The following ZNF804B variants were observed in gnomAD, a reference collection of about 807,000 sequenced individuals.
ZNF804B encodes zinc finger protein 804B, also known as zinc finger 804B.
ZNF804B carries 80 observed loss-of-function variants against 101.4 expected under a neutral mutation model. That is an observed-to-expected ratio of 0.79 (90% CI 0.66 to 0.95). The LOEUF (loss-of-function observed/expected upper bound fraction) is 0.95, where lower values mean the gene tolerates loss of function less well. Ranked by LOEUF, ZNF804B falls within the 40% of genes least tolerant of loss-of-function variation. The pLI is 0.00. For missense variants in ZNF804B, 1,673 were observed against 1,561.9 expected (o/e 1.07, Z -1.20); for synonymous variants, 622 against 558.8 (o/e 1.11, Z -1.59).
intron 1 of ZNF804B, among the ~76,000 whole-genome samples, chr7:88,830,420 T>C (rs1791114688): frequency 6.6e-6 from 1 of 152,048 alleles, no homozygotes; most frequent in African/African-American, 2.4e-5. Flanking sequence ...TAAAGATAAT[T>C]TTTCATTCTA....
intron 1 of ZNF804B, among the ~76,000 whole-genome samples, chr7:89,175,663 A>G (rs1370012580): frequency 6.6e-6 from 1 of 151,254 alleles, no homozygotes; most frequent in East Asian, 2.0e-4. Context: ...TTTTGGTAGT[A>G]TGCACATTTT....
chr7:89,247,535 C>A (rs958835249), intron 2 of ZNF804B, among the ~76,000 whole-genome samples: 1 of 151,326 alleles, frequency 6.6e-6, no homozygotes, highest in African/African-American at 2.4e-5. Flanking sequence ...AATCACATAA[C>A]CAGGGATGGG....
intron 3 of ZNF804B, among the ~76,000 whole-genome samples, chr7:89,333,030 T>G (rs1410502507): frequency 6.6e-6 from 1 of 151,968 alleles, no homozygotes; most frequent in East Asian, 1.9e-4. Context: ...TGGAAAACTA[T>G]TAGTGAAATC....
chr7:89,229,946 G>A (rs1201461691), intron 2 of ZNF804B, among the ~76,000 whole-genome samples: 1 of 151,760 alleles, frequency 6.6e-6, no homozygotes, highest in Non-Finnish European at 1.5e-5. Flanking sequence ...AAAAACACAC[G>A]AATTAAATAA....
At chr7:88,969,236 G>A (rs1051993741) in intron 1 of ZNF804B, among the ~76,000 whole-genome samples, 23 of 151,502 alleles carry the variant, frequency 1.5e-4, no homozygotes, top group Non-Finnish European at 4.4e-5. Context: ...TAAAGATTCT[G>A]GGAGTCTTAG....
At chr7:88,903,805 T>C (rs1183263356) in intron 1 of ZNF804B, among the ~76,000 whole-genome samples, 2 of 152,076 alleles carry the variant, frequency 1.3e-5, no homozygotes, top group Admixed American at 6.6e-5. Flanking sequence ...AGTTATTTGG[T>C]TTTTTGTTTG....
intron 1 of ZNF804B, among the ~76,000 whole-genome samples, chr7:88,962,720 T>C (rs1424690558): frequency 7.1e-5 from 7 of 98,900 alleles, no homozygotes; most frequent in African/African-American, 3.2e-4. Context: ...TATATATATA[T>C]ATATATATAT....
chr7:88,812,682 G>T (rs1330382313), intron 1 of ZNF804B, among the ~76,000 whole-genome samples: 3 of 152,118 alleles, frequency 2.0e-5, no homozygotes, highest in Admixed American at 6.5e-5. Context: ...ACATGTGTAT[G>T]TACGTATATA....
At chr7:89,011,448 A>G (rs1584070950) in intron 1 of ZNF804B, among the ~76,000 whole-genome samples, 1 of 152,292 alleles carries the variant, frequency 6.6e-6, no homozygotes, top group East Asian at 1.9e-4. Context: ...CCAAAAGTCC[A>G]GGTTAAATGT....
Position 89,272,107 on chromosome 7 carries a change from A to G in ZNF804B, c.249+53812A>G, listed in dbSNP as rs570760799. Among the ~76,000 whole-genome samples the G allele has an allele frequency of 4.6e-5, 7 of 152,116 alleles. No individual in the cohort carries two copies. In the East Asian group the frequency reaches 1.4e-3, roughly 29 times the overall value. ...CAATTTCACATTCCATATTTCAACC[A>G]CACTGAGAAATTTGCCATTCTCCCA... is the stretch of plus-strand genomic sequence containing the variant. On this transcript the variant is annotated intron_variant, in intron 2 of 3. Transcript: ENST00000333190.
chr7:88,827,847 T>C (rs978038679), intron 1 of ZNF804B, among the ~76,000 whole-genome samples: 6 of 152,144 alleles, frequency 3.9e-5, no homozygotes, highest in African/African-American at 1.4e-4. Context: ...ATAAGTCTTG[T>C]TGATTTTACC....
At chr7:88,780,629 C>T (rs1027800730) in intron 1 of ZNF804B, among the ~76,000 whole-genome samples, 9 of 151,954 alleles carry the variant, frequency 5.9e-5, no homozygotes, top group Middle Eastern at 6.8e-3. Flanking sequence ...TCAAGCGATC[C>T]GCCCACTTCA....
rs556871066 is a variant in ZNF804B at position 89,325,957 on chromosome 7, C to G, written c.250-1387C>G. Among the ~76,000 whole-genome samples the G allele has an allele frequency of 2.0e-5, 3 of 151,946 alleles. No homozygotes were observed. In the East Asian group the frequency reaches 5.8e-4, roughly 29 times the overall value. On this transcript the variant is annotated intron_variant, in intron 2 of 3. Transcript: ENST00000333190. ...AATAGGCTTTCAAGTACATAGGGTC[C>G]GAGGAAGTGAGTAGCAGGGTACGTA...
chr7:88,877,021 TATATAATATATATATATATA>T (rs1791954603), intron 1 of ZNF804B, among the ~76,000 whole-genome samples: 1 of 73,958 alleles, frequency 1.4e-5, no homozygotes, highest in Non-Finnish European at 2.3e-5. Context: ...TATATATATA[TATATAATATATATATATATA>T]TATATATATT....
chr7:89,044,938 T>C (rs1301194517), intron 1 of ZNF804B, among the ~76,000 whole-genome samples: 1 of 152,056 alleles, frequency 6.6e-6, no homozygotes, highest in Non-Finnish European at 1.5e-5. Flanking sequence ...ATGGGGAAAA[T>C]ATTTCCAGGT....
intron 1 of ZNF804B, among the ~76,000 whole-genome samples, chr7:88,809,317 ATCTATCTATCTATCTATCT>A (rs1790741707): frequency 4.1e-5 from 2 of 48,754 alleles, no homozygotes; most frequent in African/African-American, 2.2e-4. Flanking sequence ...CTATCTATCT[ATCTATCTATCTATCTATCT>A]ATCTATCTAT....
intron 1 of ZNF804B, among the ~76,000 whole-genome samples, chr7:88,828,705 A>G (rs1791084605): frequency 6.6e-6 from 1 of 152,126 alleles, no homozygotes; most frequent in African/African-American, 2.4e-5. Context: ...AAAAATACTA[A>G]TTTGCATCTA....
chr7:88,872,932 GTGTGCA>G (rs1791861198), intron 1 of ZNF804B, among the ~76,000 whole-genome samples: 1 of 151,772 alleles, frequency 6.6e-6, no homozygotes, highest in Non-Finnish European at 1.5e-5. Flanking sequence ...ATAAATATAC[GTGTGCA>G]TGTGTCTTTA....
chr7:89,004,483 T>C (rs1407280372), intron 1 of ZNF804B, among the ~76,000 whole-genome samples: 1 of 151,926 alleles, frequency 6.6e-6, no homozygotes, highest in Non-Finnish European at 1.5e-5. Flanking sequence ...TTCTGGGGTT[T>C]TTTTTGTTCC....
Sources: gnomAD v4.1 joint callset for allele counts (sites outside exome capture counted in the v4.1 genomes callset) on GRCh38, gnomAD v4.1.1 for gene constraint, MANE v1.5 for transcripts, NCBI Gene and HGNC (gene_info 2026-07-23, HGNC 2026-07-21) for gene names.